BTBD9: variants seen among roughly 807,000 people sequenced by gnomAD.
The protein encoded by BTBD9 is BTB/POZ domain-containing protein 9.
BTBD9 carries 49 observed loss-of-function variants against 64.3 expected under a neutral mutation model. The ratio of observed to expected loss-of-function variants is 0.76; its 90% CI spans 0.61 to 0.97. BTBD9 has a LOEUF of 0.97. Ranked by LOEUF, BTBD9 falls within the 50% of genes least tolerant of loss-of-function variation. BTBD9 has a pLI of 0.00. For synonymous variants in BTBD9, 260 were observed against 274.7 expected, an observed-to-expected ratio of 0.95 and a Z score of 0.53; for missense variants, 598 against 762.1, an observed-to-expected ratio of 0.78 and a Z score of 2.53.
intron 6 of BTBD9, among the ~76,000 whole-genome samples, chr6:38,505,936 G>A (rs1402612893): frequency 8.2e-6 from 1 of 122,042 alleles, no homozygotes; most frequent in African/African-American, 3.0e-5. Flanking sequence ...CCGCATTCCA[G>A]CCTGGCAACA....
chr6:38,532,253 A>AG (rs1403264200), intron 6 of BTBD9, among the ~76,000 whole-genome samples: 3 of 152,340 alleles, frequency 2.0e-5, no homozygotes, highest in African/African-American at 7.2e-5. Context: ...GACCAGTCCT[A>AG]GCCAGAGGGG....
chr6:38,393,229 G>C (rs1208271974), intron 6 of BTBD9, among the ~76,000 whole-genome samples: 1 of 152,208 alleles, frequency 6.6e-6, no homozygotes, highest in South Asian at 2.1e-4. Context: ...AAAAGAATAA[G>C]AGGAACATGT....
intron 6 of BTBD9, among the ~76,000 whole-genome samples, chr6:38,396,292 CTAAAAAGCTTAGTTAGT>C (rs1419795585): frequency 3.3e-5 from 5 of 152,170 alleles, no homozygotes; most frequent in Non-Finnish European, 7.4e-5. Flanking sequence ...AAAACCAAAA[CTAAAAAGCTTAGTTAGT>C]GTACTGAATG....
chr6:38,501,527 G>C (rs1297023578), intron 6 of BTBD9, among the ~76,000 whole-genome samples: 1 of 152,090 alleles, frequency 6.6e-6, no homozygotes, highest in Non-Finnish European at 1.5e-5. Flanking sequence ...TTTGCATCTA[G>C]TTTTTCTTTC....
At chr6:38,580,968 G>A (rs768141242) in intron 4 of BTBD9, among the ~76,000 whole-genome samples, 19 of 152,118 alleles carry the variant, frequency 1.2e-4, no homozygotes, top group African/African-American at 4.3e-4. Flanking sequence ...CGAGGTGGGC[G>A]GATCACCTGA....
At chr6:38,464,077 A>G (rs1464123175) in intron 6 of BTBD9, among the ~76,000 whole-genome samples, 1 of 152,086 alleles carries the variant, frequency 6.6e-6, no homozygotes, top group African/African-American at 2.4e-5. Context: ...GGTAGGCTCT[A>G]ATCTGAGAAG....
intron 9 of BTBD9, among the ~76,000 whole-genome samples, chr6:38,215,673 T>A (rs1051300774): frequency 6.6e-6 from 1 of 152,230 alleles, no homozygotes; most frequent in African/African-American, 2.4e-5. Flanking sequence ...GATTTACTCA[T>A]CTCCCCACTT....
intron 6 of BTBD9, among the ~76,000 whole-genome samples, chr6:38,559,653 G>A (rs935360319): frequency 6.6e-6 from 1 of 152,116 alleles, no homozygotes; most frequent in African/African-American, 2.4e-5. Flanking sequence ...AAAGCTGGAG[G>A]CATCACATTA....
chr6:38,508,857 C>T (rs1772656332), intron 6 of BTBD9, among the ~76,000 whole-genome samples: 1 of 152,082 alleles, frequency 6.6e-6, no homozygotes, highest in African/African-American at 2.4e-5. Flanking sequence ...TCATACCCTC[C>T]CCACCCCTCC....
chr6:38,568,447 A>C (rs1775617691), intron 6 of BTBD9, among the ~76,000 whole-genome samples: 1 of 152,128 alleles, frequency 6.6e-6, no homozygotes, highest in Non-Finnish European at 1.5e-5. Context: ...CAGTTTCATT[A>C]ATTTCTGGGT....
intron 6 of BTBD9, among the ~76,000 whole-genome samples, chr6:38,566,694 T>C (rs1775533987): frequency 6.6e-6 from 1 of 152,226 alleles, no homozygotes; most frequent in Non-Finnish European, 1.5e-5. Context: ...TATTGTTTTG[T>C]GTGTAAGAGC....
intron 6 of BTBD9, among the ~76,000 whole-genome samples, chr6:38,513,255 G>C (rs1772854763): frequency 6.6e-6 from 1 of 152,112 alleles, no homozygotes; most frequent in Non-Finnish European, 1.5e-5. Context: ...AGACCAGCCT[G>C]ATCAACGTGG....
intron 9 of BTBD9, among the ~76,000 whole-genome samples, chr6:38,197,088 A>G (rs368115548): frequency 6.6e-6 from 1 of 152,226 alleles, no homozygotes; most frequent in African/African-American, 2.4e-5. Flanking sequence ...GTTAATAAGG[A>G]AAGTTAAAAT....
At chr6:38,331,244 C>T (rs1370241376) in intron 7 of BTBD9, among the ~76,000 whole-genome samples, 1 of 152,114 alleles carries the variant, frequency 6.6e-6, no homozygotes, top group East Asian at 1.9e-4. Context: ...CTTCGGGAGA[C>T]CGAGGTAGGA....
At chr6:38,505,408 T>G (rs1772426500) in intron 6 of BTBD9, among the ~76,000 whole-genome samples, 1 of 151,948 alleles carries the variant, frequency 6.6e-6, no homozygotes. Flanking sequence ...GCAAATCACT[T>G]GAGGTCAGGA....
intron 9 of BTBD9, among the ~76,000 whole-genome samples, chr6:38,255,875 T>C (rs1582121467): frequency 6.6e-6 from 1 of 152,038 alleles, no homozygotes; most frequent in African/African-American, 2.4e-5. Context: ...ATGAGAACAC[T>C]TGGACATACG....
intron 6 of BTBD9, among the ~76,000 whole-genome samples, chr6:38,503,827 C>T (rs1411954896): frequency 6.6e-6 from 1 of 152,184 alleles, no homozygotes; most frequent in Non-Finnish European, 1.5e-5. Flanking sequence ...TCCGTTAAAC[C>T]TCAGTGATTC....
At position 38,287,305 on chromosome 6, in the gene BTBD9, GTTC is replaced by G. The variant is rs200986134; in HGVS notation, c.1454+964_1454+966del. 7.2e-3 allele frequency among the ~76,000 whole-genome samples: 1,089 copies of G among 150,770 alleles called. 13 individuals carry two copies. The highest frequency in any genetic ancestry group is 0.022 in the African/African-American group (916 of 41,092). On this transcript the variant is annotated intron_variant, in intron 8 of 10. Transcript: ENST00000481247. ...CCTACACAGGTGTACCATTTTTTAT[GTTC>G]TTCTTTTTTTTTTTAATTGAGATGA...
At chr6:38,275,195 A>G (rs1765341141) in intron 8 of BTBD9, among the ~76,000 whole-genome samples, 1 of 152,224 alleles carries the variant, frequency 6.6e-6, no homozygotes, top group South Asian at 2.1e-4. Context: ...ATAACGCCAC[A>G]TATCTACAAC....
Sources: allele counts gnomAD v4.1 joint callset (sites outside exome capture counted in the v4.1 genomes callset), GRCh38; gene constraint gnomAD v4.1.1; transcripts MANE v1.5; gene names NCBI Gene and HGNC (gene_info 2026-07-23, HGNC 2026-07-21).